The following CACNA2D3 variants were observed in gnomAD, a reference collection of about 807,000 sequenced individuals.
CACNA2D3 encodes calcium voltage-gated channel auxiliary subunit alpha2delta 3.
CACNA2D3 carries 60 observed loss-of-function variants against 160.6 expected under a neutral mutation model. That is an observed-to-expected ratio of 0.37 (90% confidence interval 0.30 to 0.46). CACNA2D3 has a LOEUF of 0.46. Ranked by LOEUF, CACNA2D3 falls within the 20% of genes least tolerant of loss-of-function variation. CACNA2D3 has a pLI of 1.00. For missense variants in CACNA2D3, 1,205 were observed against 1,365.0 expected (o/e 0.88, Z 1.85); for synonymous variants, 558 against 492.9 (o/e 1.13, Z -1.75).
At chr3:54,304,455 A>G (rs1379018208) in intron 2 of CACNA2D3, among the ~76,000 whole-genome samples, 1 of 152,182 alleles carries the variant, frequency 6.6e-6, no homozygotes, top group African/African-American at 2.4e-5. Flanking sequence ...TTTGGCATGT[A>G]TAGGATGACC....
intron 2 of CACNA2D3, among the ~76,000 whole-genome samples, chr3:54,158,889 C>T (rs925342425): frequency 4.6e-5 from 7 of 152,186 alleles, no homozygotes; most frequent in Non-Finnish European, 7.3e-5. Context: ...CACATGAAAT[C>T]GAACTCCCTG....
Position 54,880,784 on chromosome 3 carries a change from C to A in CACNA2D3, c.1845-12C>A. ...CCAGGGATTTCAAGATTTGCTTTGT[C>A]TCTCTGCACAGTTTAGGTGTGGCGC... On this transcript the variant is annotated splice_polypyrimidine_tract_variant and intron_variant, in intron 20 of 37. Transcript: ENST00000474759. The A allele has an allele frequency of 6.2e-7, 1 of 1,611,642 alleles. No individual in the cohort carries two copies. The highest frequency in any genetic ancestry group is 8.5e-7 in the Non-Finnish European group (1 of 1,177,788).
At chr3:54,683,962 CTTTTTTT>C (rs61481695) in intron 11 of CACNA2D3, among the ~76,000 whole-genome samples, 2 of 110,826 alleles carry the variant, frequency 1.8e-5, no homozygotes, top group African/African-American at 4.3e-5. Context: ...AAATTTCCAC[CTTTTTTT>C]TTTTTTTTTT....
At chr3:54,739,446 A>C (rs1192390873) in intron 11 of CACNA2D3, among the ~76,000 whole-genome samples, 2 of 148,376 alleles carry the variant, frequency 1.3e-5, no homozygotes, top group African/African-American at 2.5e-5. Context: ...AAAAAACAAA[A>C]AAAAAAACCA....
chr3:54,663,850 C>CA (rs1700015379), intron 11 of CACNA2D3, among the ~76,000 whole-genome samples: 1 of 152,252 alleles, frequency 6.6e-6, no homozygotes, highest in Admixed American at 6.5e-5. Context: ...ATGGCCACTT[C>CA]ACTGCCACCC....
At chr3:54,501,376 T>C (rs977990372) in intron 4 of CACNA2D3, among the ~76,000 whole-genome samples, 2 of 151,790 alleles carry the variant, frequency 1.3e-5, no homozygotes, top group Non-Finnish European at 2.9e-5. Flanking sequence ...AAATATTTTA[T>C]GTACCTTCAT....
intron 35 of CACNA2D3, among the ~76,000 whole-genome samples, chr3:55,051,107 C>G (rs1391490744): frequency 6.6e-6 from 1 of 152,070 alleles, no homozygotes; most frequent in Admixed American, 6.5e-5. Context: ...CTCAGCTCGT[C>G]AAAGTCATTC....
chr3:54,784,337 G>C (rs868573133), intron 13 of CACNA2D3, among the ~76,000 whole-genome samples: 1 of 152,132 alleles, frequency 6.6e-6, no homozygotes, highest in African/African-American at 2.4e-5. Context: ...TTAACCTTGG[G>C]GCTAAGAGTT....
At chr3:54,479,027 T>C (rs982120143) in intron 4 of CACNA2D3, among the ~76,000 whole-genome samples, 19 of 152,142 alleles carry the variant, frequency 1.2e-4, no homozygotes, top group Middle Eastern at 3.4e-3. Context: ...TTACTGTAAC[T>C]ACATGTGTTA....
At chr3:54,957,289 G>A (rs543125591) in intron 27 of CACNA2D3, among the ~76,000 whole-genome samples, 28 of 151,944 alleles carry the variant, frequency 1.8e-4, no homozygotes, top group African/African-American at 6.8e-4. Flanking sequence ...TTAGACTATA[G>A]GTGTACGCCA....
At chr3:54,869,049 C>T (rs1317134622) in intron 17 of CACNA2D3, among the ~76,000 whole-genome samples, 1 of 152,204 alleles carries the variant, frequency 6.6e-6, no homozygotes, top group African/African-American at 2.4e-5. Flanking sequence ...GGATCACACA[C>T]CCAATGTGAT....
At chr3:54,123,390 C>A (rs1189458485) in intron 1 of CACNA2D3, 123 bp from the exon 2 acceptor site, 6 of 706,346 alleles carry the variant, frequency 8.5e-6, no homozygotes, top group African/African-American at 7.2e-5. Context: ...ATCTTTTCTT[C>A]TTTTAAAACA....
At chr3:54,683,508 G>A (rs2106918261) in intron 11 of CACNA2D3, among the ~76,000 whole-genome samples, 1 of 152,302 alleles carries the variant, frequency 6.6e-6, no homozygotes, top group South Asian at 2.1e-4. Context: ...TCCAGGAGTA[G>A]TTTCTTTGAC....
chr3:54,304,749 C>T (rs1703557889), intron 2 of CACNA2D3, among the ~76,000 whole-genome samples: 1 of 152,184 alleles, frequency 6.6e-6, no homozygotes, highest in Non-Finnish European at 1.5e-5. Context: ...ATTTGAATCA[C>T]ATCCTTACTT....
Position 54,885,238 on chromosome 3 carries a change from G to A in CACNA2D3, c.1913-43G>A, listed in dbSNP as rs377614040. On this transcript the variant is annotated intron_variant, in intron 21 of 37. Coordinates refer to ENST00000474759, the MANE Select transcript of CACNA2D3 (RefSeq NM_018398.3). ...TATTTGAAGCACACAGGAGGACTGGGGGAGTGATACTTATTCATGAACCCC... is the reference window on the plus strand; with the variant it reads ...TATTTGAAGCACACAGGAGGACTGGAGGAGTGATACTTATTCATGAACCCC... The A allele has an allele frequency of 3.7e-5, 60 of 1,604,964 alleles. 1 individual carries two copies. In the East Asian group the frequency reaches 9.1e-4, roughly 24 times the overall value.
At chr3:54,975,369 A>G (rs956733616) in intron 29 of CACNA2D3, among the ~76,000 whole-genome samples, 2 of 152,092 alleles carry the variant, frequency 1.3e-5, no homozygotes, top group African/African-American at 4.8e-5. Context: ...AAATACAAAA[A>G]TTAGCTAGGC....
intron 4 of CACNA2D3, among the ~76,000 whole-genome samples, chr3:54,495,680 C>G (rs1193382613): frequency 5.3e-5 from 8 of 152,106 alleles, no homozygotes; most frequent in African/African-American, 1.9e-4. Flanking sequence ...ACCCAGGAGG[C>G]AGAGGCTGCA....
intron 14 of CACNA2D3, among the ~76,000 whole-genome samples, chr3:54,823,816 A>T (rs1392095161): frequency 6.6e-6 from 1 of 152,226 alleles, no homozygotes; most frequent in African/African-American, 2.4e-5. Context: ...AATAGTGGCT[A>T]TTTCCTAGTG....
At chr3:54,542,050 GT>G (rs758165637) in intron 5 of CACNA2D3, among the ~76,000 whole-genome samples, 3 of 150,632 alleles carry the variant, frequency 2.0e-5, no homozygotes, top group South Asian at 2.1e-4. Flanking sequence ...GTGAATGAGA[GT>G]TTTTTTTGTT....
Sources: allele counts gnomAD v4.1 joint callset (sites outside exome capture counted in the v4.1 genomes callset), GRCh38; gene constraint gnomAD v4.1.1; transcripts MANE v1.5; gene names NCBI Gene and HGNC (gene_info 2026-07-23, HGNC 2026-07-21).